ARHGAP23: variants seen among roughly 807,000 people sequenced by gnomAD.
The protein encoded by ARHGAP23 is Rho GTPase activating protein 23, also known as rho GTPase-activating protein 23.
In ARHGAP23, 34 loss-of-function variants were observed where a neutral mutation model predicts 136.3. The ratio of observed to expected loss-of-function variants is 0.25; its 90% CI spans 0.19 to 0.33. The LOEUF (loss-of-function observed/expected upper bound fraction) is 0.33, where lower values mean the gene tolerates loss of function less well. Among genes scored for constraint, ARHGAP23 ranks in the 10% least tolerant of loss-of-function variants. The pLI is 1.00. For missense variants in ARHGAP23, 1,808 were observed against 2,139.0 expected, an observed-to-expected ratio of 0.85 and a Z score of 3.05; for synonymous variants, 832 against 920.5, an observed-to-expected ratio of 0.90 and a Z score of 1.74.
chr17:38,464,108 T>C (rs2039525511), intron 6 of ARHGAP23, among the ~76,000 whole-genome samples: 1 of 152,160 alleles, frequency 6.6e-6, no homozygotes, highest in South Asian at 2.1e-4. Context: ...ACAACATGTA[T>C]GCTCGCAAAC....
intron 20 of ARHGAP23, among the ~76,000 whole-genome samples, chr17:38,494,652 C>T (rs1055151795): frequency 3.3e-5 from 5 of 152,218 alleles, no homozygotes; most frequent in Admixed American, 1.3e-4. Flanking sequence ...AGAGCTGCGT[C>T]TCTTTGTGCT....
In ARHGAP23 at chr17:38,510,105, G is replaced by A; in HGVS notation, c.3609G>A (p.Gly1203=). The stretch of plus-strand genomic sequence containing the variant: ...AGGAGGCGCACAAGCCTGGGGCGGG[G>A]GCCACAGCGCCGGGGACTCAGGAGC... ...SEQEAHKPGA[G]ATAPGTQERP... The change falls in exon 24 of 24, where the codon GGG becomes GGA. Residue 1203 remains glycine (G), a synonymous_variant. Transcript: ENST00000622683. This position sits in a 1 kb window ranked among gnomAD's most constrained non-coding sequence, Gnocchi z 4.6. The A allele has an allele frequency of 8.0e-7, 1 of 1,248,234 alleles. No individual in the cohort carries two copies. Among genetic ancestry groups the A allele is most frequent in the African/African-American group, 1.5e-5 (1 of 64,580 alleles). The allele number at this position is 1,248,234 out of a possible 1,614,324, so 77.3% of individuals were successfully genotyped here.
At chr17:38,495,482 C>T (rs1731399172) in intron 20 of ARHGAP23, among the ~76,000 whole-genome samples, 1 of 152,174 alleles carries the variant, frequency 6.6e-6, no homozygotes, top group Admixed American at 6.5e-5. Context: ...ATGCACCTGC[C>T]TCAGCCTCCC....
At position 38,456,308 on chromosome 17, in the gene ARHGAP23, G is replaced by C. The variant is rs150493700; in HGVS notation, c.64-1794G>C. Among the ~76,000 whole-genome samples the C allele has an allele frequency of 1.2e-3, 189 of 152,350 alleles. 2 individuals carry two copies. Among genetic ancestry groups the C allele is most frequent in the African/African-American group, 4.4e-3 (181 of 41,586 alleles). ...GGGCAGCTGTCTCCCTCCACTGGGT[G>C]TGTGGACAGGAGGGTGGATGGTCCA... On this transcript the variant is annotated intron_variant, in intron 1 of 23. Coordinates refer to ENST00000622683, the MANE Select transcript of ARHGAP23 (RefSeq NM_001199417.2).
intron 1 of ARHGAP23, among the ~76,000 whole-genome samples, chr17:38,441,271 G>A (rs1167250106): frequency 1.3e-5 from 2 of 152,228 alleles, no homozygotes; most frequent in East Asian, 1.9e-4. Context: ...CCGTGGGAGG[G>A]GCAGAAAGGC....
chr17:38,463,049 T>G (rs2039498546), intron 4 of ARHGAP23, 69 bp from the exon 5 acceptor site: 1 of 1,536,814 alleles, frequency 6.5e-7, no homozygotes, highest in Non-Finnish European at 8.8e-7. Context: ...TAGCCATGCC[T>G]GGTACAGGGG....
chr17:38,439,362 G>A (rs915692119), intron 1 of ARHGAP23, among the ~76,000 whole-genome samples: 8 of 152,022 alleles, frequency 5.3e-5, no homozygotes, highest in East Asian at 3.9e-4. Flanking sequence ...AATATATGGC[G>A]ACTTCCTCCT....
In ARHGAP23 at chr17:38,469,306, A is replaced by G; in HGVS notation, c.1804+7A>G. 1.3e-6 allele frequency: 2 copies of G among 1,546,578 alleles called. No individual in the cohort carries two copies. Among genetic ancestry groups the G allele is most frequent in the South Asian group, 1.2e-5 (1 of 83,230 alleles). The stretch of plus-strand genomic sequence containing the variant: ...CATTACTCGCAGGACTGCAGTGAGC[A>G]CTCCCCACACCCCCAGCCCCACCCT... On this transcript the variant is annotated splice_region_variant and intron_variant, in intron 8 of 23. Transcript: ENST00000622683.
chr17:38,452,536 G>C (rs1471455092), intron 1 of ARHGAP23: 1 of 152,348 alleles, frequency 6.6e-6, no homozygotes, highest in African/African-American at 2.4e-5. Flanking sequence ...TTTTGGTGTA[G>C]GATAGAAGTT....
At chr17:38,481,015 T>G (rs1161948989) in intron 14 of ARHGAP23, among the ~76,000 whole-genome samples, 2 of 152,000 alleles carry the variant, frequency 1.3e-5, no homozygotes, top group Non-Finnish European at 2.9e-5. Context: ...AGACAGAGTC[T>G]CATTCTGTCA....
chr17:38,468,280 T>C (rs561056275), intron 7 of ARHGAP23, among the ~76,000 whole-genome samples: 1 of 152,248 alleles, frequency 6.6e-6, no homozygotes, highest in East Asian at 1.9e-4. Context: ...TGCCTTGCCT[T>C]CGACTGGATG....
In ARHGAP23 at chr17:38,510,023, G is replaced by A; in HGVS notation, c.3527G>A (p.Arg1176His). Residue 1176 changes from arginine (R) to histidine (H), a missense_variant, in exon 24 of 24, where the codon CGC becomes CAC. Arg to His is a conservative substitution (Grantham distance 29). This residue lies in a region of ARHGAP23 where 104 missense variants were observed against 131.8 expected (regional missense o/e 0.79). Coordinates refer to ENST00000622683, the MANE Select transcript of ARHGAP23 (RefSeq NM_001199417.2). The surrounding 1 kb of genome is among the most constrained non-coding windows in gnomAD (Gnocchi z 4.6). ...ISFISAVNRKRKKRREARGLG... is the reference protein window; with the variant it reads ...ISFISAVNRKHKKRREARGLG... Reference sequence around the variant, plus strand: ...TTCATCTCGGCCGTCAACCGCAAGCGCAAGAAGCGGCGGGAGGCGCGGGGG... The same window carrying A: ...TTCATCTCGGCCGTCAACCGCAAGCACAAGAAGCGGCGGGAGGCGCGGGGG... The A allele has an allele frequency of 8.0e-7, 1 of 1,247,008 alleles. No individual in the cohort carries two copies. The allele number at this position is 1,247,008 out of a possible 1,614,324, so 77.2% of individuals were successfully genotyped here.
At chr17:38,443,235 T>A (rs768385090) in intron 1 of ARHGAP23, among the ~76,000 whole-genome samples, 3 of 152,128 alleles carry the variant, frequency 2.0e-5, no homozygotes, top group Admixed American at 6.5e-5. Context: ...CACCCAGCAT[T>A]CCCTGCCTAG....
rs2040774199 is a variant in ARHGAP23 at position 38,511,974 on chromosome 17, A to G, written c.*1002A>G. The G allele has an allele frequency of 6.6e-6, 1 of 152,166 alleles. No homozygotes were observed. Among genetic ancestry groups the G allele is most frequent in the Non-Finnish European group, 1.5e-5 (1 of 68,080 alleles). The allele number at this position is 152,166 out of a possible 1,614,324, so 9.4% of individuals were successfully genotyped here. On this transcript the variant is annotated 3_prime_UTR_variant, in exon 24 of 24. Coordinates refer to ENST00000622683, the MANE Select transcript of ARHGAP23 (RefSeq NM_001199417.2). ...CAGGACCCAGCGCCCTCTTCTCCCC[A>G]CAGGCTGTAAATAGACTTCCAATCA...
At chr17:38,452,847 G>A (rs1408238324) in intron 1 of ARHGAP23, among the ~76,000 whole-genome samples, 1 of 152,214 alleles carries the variant, frequency 6.6e-6, no homozygotes, top group African/African-American at 2.4e-5. Context: ...TCACATGCCA[G>A]GGGGTGGGAG....
chr17:38,502,645 G>T (rs1290585493), intron 23 of ARHGAP23, among the ~76,000 whole-genome samples: 1 of 152,238 alleles, frequency 6.6e-6, no homozygotes, highest in East Asian at 1.9e-4. Context: ...TAAAGTGAGG[G>T]AGGGAAAAGC....
In ARHGAP23 at chr17:38,477,937, G is replaced by T; in HGVS notation, c.2436+41G>T. The T allele has an allele frequency of 2.6e-6, 4 of 1,544,844 alleles. No individual in the cohort carries two copies. Among genetic ancestry groups the T allele is most frequent in the Non-Finnish European group, 3.5e-6 (4 of 1,144,140 alleles). On this transcript the variant is annotated intron_variant, in intron 12 of 23. Transcript: ENST00000622683. The surrounding 1 kb of genome is among the most constrained non-coding windows in gnomAD (Gnocchi z 6.6). ...GCCCGGCAGCCACAGAGGGCGGGCG[G>T]GGTGGCCTCTCACCGGCTGTGGACC... is the stretch of plus-strand genomic sequence containing the variant.
At chr17:38,485,404 G>T (rs1209695702) in intron 16 of ARHGAP23, among the ~76,000 whole-genome samples, 1 of 152,212 alleles carries the variant, frequency 6.6e-6, no homozygotes, top group Non-Finnish European at 1.5e-5. Flanking sequence ...TAGGAGCACA[G>T]TGGGAAATGA....
At chr17:38,445,489 A>AATAT (rs201954931) in intron 1 of ARHGAP23, among the ~76,000 whole-genome samples, 1 of 151,474 alleles carries the variant, frequency 6.6e-6, no homozygotes, top group Non-Finnish European at 1.5e-5. Context: ...CATCTGAAAA[A>AATAT]ATATATATAT....
Sources: allele counts gnomAD v4.1 joint callset (sites outside exome capture counted in the v4.1 genomes callset), GRCh38; gene constraint gnomAD v4.1.1; regional missense constraint gnomAD v4.1.1; non-coding constraint Gnocchi (gnomAD v3.1); transcripts MANE v1.5; gene names NCBI Gene and HGNC (gene_info 2026-07-23, HGNC 2026-07-21).